Variants in C9orf78 observed in about 807,000 individuals in gnomAD.
C9orf78 encodes splicing factor C9orf78.
In C9orf78, 19 loss-of-function variants were observed where a neutral mutation model predicts 37.4. The observed-to-expected ratio is 0.51, with a 90% CI of 0.35 to 0.74. The LOEUF (loss-of-function observed/expected upper bound fraction) is 0.74. Among genes scored for constraint, C9orf78 ranks in the 30% least tolerant of loss-of-function variants. The probability of loss-of-function intolerance (pLI) is 0.01; values close to 1 mark genes in which losing one functional copy is unlikely to be tolerated. For missense variants in C9orf78, 291 were observed against 370.8 expected (o/e 0.78, Z 1.77); for synonymous variants, 130 against 128.0 (o/e 1.02, Z -0.10).
Position 129,834,692 on chromosome 9 carries a change from C to T in C9orf78, c.143+15G>A, listed in dbSNP as rs1564189747. 1.2e-6 allele frequency: 2 copies of T among 1,601,508 alleles called. No homozygotes were observed. Among genetic ancestry groups the T allele is most frequent in the South Asian group, 1.1e-5 (1 of 90,644 alleles). ...CGTCCCCGCCGCCTCCTCCTCCTCC[C>T]CGCGTGGTACCCACCTCACCCCGTT... is the stretch of plus-strand genomic sequence containing the variant. On this transcript the variant is annotated intron_variant, in intron 2 of 8. Coordinates refer to ENST00000372447, the MANE Select transcript of C9orf78 (RefSeq NM_016520.3).
At position 129,827,451 on chromosome 9, in the gene C9orf78, G is replaced by A. The variant is rs1179127777; in HGVS notation, c.*710C>T. 5.3e-5 allele frequency: 8 copies of A among 151,832 alleles called. No individual in the cohort carries two copies. Among genetic ancestry groups the A allele is most frequent in the Admixed American group, 4.6e-4 (7 of 15,226 alleles). The allele number at this position is 151,832 out of a possible 1,614,324, so 9.4% of individuals were successfully genotyped here. A position where few individuals can be genotyped will look rare whatever the true frequency, so the allele number is the denominator to read the frequency against. On this transcript the variant is annotated 3_prime_UTR_variant, in exon 9 of 9. Transcript: ENST00000372447. ...TCTGTCAGCTGGAGGATGCATTTCTGACCCCATCCCAGACACGTGAAAGCA... is the reference window on the plus strand; with the variant it reads ...TCTGTCAGCTGGAGGATGCATTTCTAACCCCATCCCAGACACGTGAAAGCA...
At chr9:129,829,100 C>T (rs542228560) in intron 8 of C9orf78, 105 bp downstream of exon 8, 37 of 784,674 alleles carry the variant, frequency 4.7e-5, no homozygotes, top group East Asian at 3.7e-4. Flanking sequence ...CCATATGCCC[C>T]GGCTCCAATG....
Position 129,829,525 on chromosome 9 carries a change from T to C in C9orf78, c.559A>G (p.Ile187Val). 6.2e-7 allele frequency: 1 copy of C among 1,613,858 alleles called. No individual in the cohort carries two copies. The highest frequency in any genetic ancestry group is 8.5e-7 in the Non-Finnish European group (1 of 1,179,868). The change falls in exon 7 of 9, where the codon ATC becomes GTC. Residue 187 changes from isoleucine to valine, a missense_variant. Physicochemically the swap from Ile to Val is conservative, Grantham distance 29 (BLOSUM62 3). Around this residue, in one of 3 missense-constraint regions of C9orf78, gnomAD observed 120 missense variants for 148.7 expected, o/e 0.81. Coordinates refer to ENST00000372447, the MANE Select transcript of C9orf78 (RefSeq NM_016520.3). ...GCCTTGGCATCCTCCGTGGAAATGA[T>C]ATTTTTTATTTTAGCACTATGGAGA... Reference protein sequence around the residue: ...DLGIDAKIKNIISTEDAKARL... With the variant: ...DLGIDAKIKNVISTEDAKARL...
Position 129,829,252 on chromosome 9 carries a change from T to G in C9orf78, c.731A>C (p.Lys244Thr). 1 of 1,612,940 alleles carries G rather than the reference T, an allele frequency of 6.2e-7. No individual in the cohort carries two copies. The highest frequency in any genetic ancestry group is 8.5e-7 in the Non-Finnish European group (1 of 1,179,568). Residue 244 changes from lysine (K) to threonine (T), a missense_variant, in exon 8 of 9, where the codon AAG (lysine) becomes ACG (threonine). Physicochemically the swap from Lys to Thr is moderately conservative, Grantham distance 78. Transcript: ENST00000372447. ...GTCACCTACTCTCAAGGGCCGGGCCTTGGGCTCTTCTTTGTTTCTCCGTAT... is the reference window on the plus strand; with the variant it reads ...GTCACCTACTCTCAAGGGCCGGGCCGTGGGCTCTTCTTTGTTTCTCCGTAT... The part of the protein sequence containing the change: ...APIRRNKEEP[K>T]ARPLRVGDTE...
At position 129,827,325 on chromosome 9, in the gene C9orf78, A is replaced by G. The variant is rs953832089; in HGVS notation, c.*836T>C. 1 of 152,226 alleles carries G rather than the reference A, an allele frequency of 6.6e-6. No individual in the cohort carries two copies. The highest frequency in any genetic ancestry group is 1.5e-5 in the Non-Finnish European group (1 of 68,044). 9.4% of individuals were successfully genotyped at this position (152,226 alleles called of 1,614,324 possible). ...TTTGAAATTTAATAATTCTAATAGT[A>G]ATAAGAAACATAGTTTATGCTTTTT... On this transcript the variant is annotated 3_prime_UTR_variant, in exon 9 of 9. Transcript: ENST00000372447.
chr9:129,830,714 C>T (rs2031471366), intron 6 of C9orf78, 157 bp downstream of exon 6: 2 of 617,114 alleles, frequency 3.2e-6, no homozygotes, highest in South Asian at 3.7e-5. Flanking sequence ...GTTCGACCAT[C>T]TTGGCCGGGC....
In C9orf78 at chr9:129,833,526, A is replaced by G; in HGVS notation, c.196-9T>C. The G allele has an allele frequency of 6.3e-7, 1 of 1,593,296 alleles. No homozygotes were observed. Among genetic ancestry groups the G allele is most frequent in the East Asian group, 2.2e-5 (1 of 44,786 alleles). The stretch of plus-strand genomic sequence containing the variant: ...ATCTGAAAGGGATCATCCTGCAGAA[A>G]GCAAACACAGTTAAGAGGAAGCATC... On this transcript the variant is annotated splice_polypyrimidine_tract_variant and intron_variant, in intron 3 of 8. Coordinates refer to ENST00000372447, the MANE Select transcript of C9orf78 (RefSeq NM_016520.3).
intron 8 of C9orf78, chr9:129,828,886 G>A (rs537501990): frequency 2.1e-5 from 9 of 419,754 alleles, no homozygotes; most frequent in South Asian, 1.7e-4. Context: ...GTGAGGCACT[G>A]CACCCAGCTA....
Position 129,835,238 on chromosome 9 carries a change from T to G in C9orf78, c.-17A>C. On this transcript the variant is annotated 5_prime_UTR_variant, in exon 1 of 9. Transcript: ENST00000372447. ...GACCGGCATGGTGACAACGGCCGAG[T>G]TGTACAGCCGCCGCGCCTCTGCGCA... 1.3e-6 allele frequency: 2 copies of G among 1,590,558 alleles called. No individual in the cohort carries two copies. The highest frequency in any genetic ancestry group is 1.1e-5 in the South Asian group (1 of 90,656).
At chr9:129,828,784 G>A in intron 8 of C9orf78, 1 of 314,572 alleles carries the variant, frequency 3.2e-6, no homozygotes. Flanking sequence ...AGGCTAGAGT[G>A]CAGTGGTCCA....
rs34247677 is a variant in C9orf78, at chr9:129,830,257, C to CTTT, written c.542+611_542+613dup. On this transcript the variant is annotated intron_variant, in intron 6 of 8. Transcript: ENST00000372447. ...ACAGGCACAAGTCACCATGTCTGGCCTTTTTTTTTTTTTTTTAAAGGGTCT... is the reference window on the plus strand; with the variant it reads ...ACAGGCACAAGTCACCATGTCTGGCCTTTTTTTTTTTTTTTTTTTAAAGGGTCT... 69 of 140,404 alleles carry CTTT rather than the reference C, an allele frequency of 4.9e-4. No individual in the cohort carries two copies. The East Asian group carries it at 6.0e-3, about 12-fold the overall frequency. The allele number at this position is 140,404 out of a possible 1,614,324, so 8.7% of individuals were successfully genotyped here. A position where few individuals can be genotyped will look rare whatever the true frequency, so the allele number is the denominator to read the frequency against.
chr9:129,833,594 C>T lies in C9orf78; in HGVS notation c.195+64G>A, dbSNP rs765158832. The T allele has an allele frequency of 7.6e-6, 11 of 1,446,370 alleles. No homozygotes were observed. In the East Asian group the frequency reaches 2.0e-4, roughly 27 times the overall value. 89.6% of individuals were successfully genotyped at this position (1,446,370 alleles called of 1,614,324 possible). A position where few individuals can be genotyped will look rare whatever the true frequency, so the allele number is the denominator to read the frequency against. On this transcript the variant is annotated intron_variant, in intron 3 of 8. Coordinates refer to ENST00000372447, the MANE Select transcript of C9orf78 (RefSeq NM_016520.3). ...AATTTTTTTTTTTGTGAAGCACGCTCACTCACTGAAGAGCACTGCAGGGAG... is the reference window on the plus strand; with the variant it reads ...AATTTTTTTTTTTGTGAAGCACGCTTACTCACTGAAGAGCACTGCAGGGAG...
intron 4 of C9orf78, 115 bp from the exon 5 acceptor site, chr9:129,832,088 G>C (rs2031513671): frequency 5.2e-6 from 3 of 574,758 alleles, no homozygotes; most frequent in Non-Finnish European, 9.4e-6. Flanking sequence ...ATTTACAGTT[G>C]GCAAAAAAAA....
chr9:129,830,148 G>C (rs2031453604), intron 6 of C9orf78: 1 of 152,634 alleles, frequency 6.6e-6, no homozygotes, highest in African/African-American at 2.4e-5. Context: ...TAAGAACATG[G>C]GGTCTCATTA....
At chr9:129,833,806 A>C in intron 2 of C9orf78, 97 bp from the exon 3 acceptor site, 6 of 715,478 alleles carry the variant, frequency 8.4e-6, no homozygotes, top group Non-Finnish European at 1.4e-5. Context: ...TTGCAACATT[A>C]GTGCAAGGGT....
Position 129,835,135 on chromosome 9 carries a change from G to A in C9orf78, c.83+4C>T. On this transcript the variant is annotated splice_donor_region_variant and intron_variant, in intron 1 of 8. Transcript: ENST00000372447. ...AGCCTATGGGAGCCCCGCCCCAAACGCACCGAACCTCCTCTGAGTCCTGCT... is the reference window on the plus strand; with the variant it reads ...AGCCTATGGGAGCCCCGCCCCAAACACACCGAACCTCCTCTGAGTCCTGCT... The A allele has an allele frequency of 2.5e-6, 4 of 1,606,676 alleles. No individual in the cohort carries two copies. The highest frequency in any genetic ancestry group is 2.2e-5 in the East Asian group (1 of 44,482).
chr9:129,828,457 C>A (rs2031403371), intron 8 of C9orf78: 3 of 407,044 alleles, frequency 7.4e-6, no homozygotes, highest in South Asian at 4.4e-5. Context: ...GGAGTCTCAC[C>A]CTGTTGCCCA....
rs965278047 is a variant in C9orf78 at position 129,835,065 on chromosome 9, G to A, written c.83+74C>T. 1.1e-4 allele frequency: 135 copies of A among 1,183,958 alleles called. No homozygotes were observed. The South Asian group carries it at 1.6e-3, about 14-fold the overall frequency. 73.3% of individuals were successfully genotyped at this position (1,183,958 alleles called of 1,614,324 possible). A position where few individuals can be genotyped will look rare whatever the true frequency, so the allele number is the denominator to read the frequency against. On this transcript the variant is annotated intron_variant, in intron 1 of 8. Transcript: ENST00000372447. The stretch of plus-strand genomic sequence containing the variant: ...GCTCACAGTTAACAATGTCAGCGAA[G>A]CGCCGAGCCGGTGGTGAGTCCCCCA...
rs1192104483 is a variant in C9orf78, at chr9:129,829,501, C to A, written c.583G>T (p.Ala195Ser). 3.7e-6 allele frequency: 6 copies of A among 1,613,636 alleles called. No individual in the cohort carries two copies. Among genetic ancestry groups the A allele is most frequent in the Non-Finnish European group, 5.1e-6 (6 of 1,179,744 alleles). The change falls in exon 7 of 9, where the codon GCC becomes TCC. Residue 195 changes from alanine (A) to serine (S), a missense_variant. Physicochemically the swap from Ala to Ser is moderately conservative, Grantham distance 99 (BLOSUM62 1). This residue lies in a region of C9orf78 where 120 missense variants were observed against 148.7 expected (regional missense o/e 0.81). Coordinates refer to ENST00000372447, the MANE Select transcript of C9orf78 (RefSeq NM_016520.3). ...TTCTGCTGCTCTGCCAGCAGACGGGCCTTGGCATCCTCCGTGGAAATGATA... is the reference window on the plus strand; with the variant it reads ...TTCTGCTGCTCTGCCAGCAGACGGGACTTGGCATCCTCCGTGGAAATGATA... Reference protein sequence around the residue: ...KNIISTEDAKARLLAEQQNKK... With the variant: ...KNIISTEDAKSRLLAEQQNKK...
Sources: allele counts gnomAD v4.1 joint callset, GRCh38; gene constraint gnomAD v4.1.1; regional missense constraint gnomAD v4.1.1; transcripts MANE v1.5; gene names NCBI Gene and HGNC (gene_info 2026-07-23, HGNC 2026-07-21).